Variants in ZNF676 observed in about 807,000 individuals in gnomAD.
The protein encoded by ZNF676 is zinc finger protein 676.
A neutral mutation model predicts 6.0 loss-of-function variants in ZNF676; 4 were observed. That is an observed-to-expected ratio of 0.67 (90% CI 0.33 to 1.53). ZNF676 has a LOEUF of 1.53. Ranked by LOEUF, ZNF676 falls within the 40% of genes most tolerant of loss-of-function variation. The pLI is 0.06. For synonymous variants in ZNF676, 198 were observed against 223.1 expected, an observed-to-expected ratio of 0.89 and a Z score of 1.00; for missense variants, 644 against 679.7, an observed-to-expected ratio of 0.95 and a Z score of 0.58.
chr19:22,207,466 C>A lies in ZNF676; in HGVS notation c.3+8166G>T, dbSNP rs1365877905. Among the ~76,000 whole-genome samples the A allele has an allele frequency of 3.0e-4, 46 of 151,988 alleles. 2 individuals carry two copies. Among genetic ancestry groups the A allele is most frequent in the South Asian group, 1.9e-3 (9 of 4,810 alleles). On this transcript the variant is annotated intron_variant, in intron 1 of 3. Coordinates refer to the ZNF676 transcript ENST00000650058. ...GAGATGACACAAACAAATGGAAAACCACTTTATGCTCATGAATAAAAAAGA... is the reference window on the plus strand; with the variant it reads ...GAGATGACACAAACAAATGGAAAACAACTTTATGCTCATGAATAAAAAAGA...
the ZNF676 span, among the ~76,000 whole-genome samples, chr19:22,248,332 T>C: frequency 6.6e-6 from 1 of 152,246 alleles, no homozygotes; most frequent in Non-Finnish European, 1.5e-5. Context: ...CAGTCTTCTA[T>C]AATGGTTGAA....
the ZNF676 span, among the ~76,000 whole-genome samples, chr19:22,232,663 T>C: frequency 5.8e-4 from 89 of 152,164 alleles, no homozygotes; most frequent in Non-Finnish European, 1.8e-4. Context: ...GACCACCTGT[T>C]AGGCCAAAAT....
At chr19:22,228,494 G>A in the ZNF676 span, among the ~76,000 whole-genome samples, 10 of 152,174 alleles carry the variant, frequency 6.6e-5, no homozygotes, top group Non-Finnish European at 1.2e-4. Context: ...AGTATTGGAA[G>A]TTCTGGCCAG....
At chr19:22,245,700 C>G in the ZNF676 span, among the ~76,000 whole-genome samples, 5 of 152,096 alleles carry the variant, frequency 3.3e-5, no homozygotes, top group African/African-American at 7.2e-5. Context: ...TAAAAAGAGT[C>G]ACATAACCAA....
the ZNF676 span, among the ~76,000 whole-genome samples, chr19:22,253,384 A>G: frequency 1.1e-3 from 132 of 117,790 alleles, 1 homozygote; most frequent in African/African-American, 4.2e-3. Flanking sequence ...ATATATATAT[A>G]TATATATATA....
chr19:22,252,444 A>G, the ZNF676 span, among the ~76,000 whole-genome samples: 1 of 151,932 alleles, frequency 6.6e-6, no homozygotes, highest in Non-Finnish European at 1.5e-5. Flanking sequence ...AAGAAAAAAA[A>G]AAAAGAAGAG....
intron 2 of ZNF676, among the ~76,000 whole-genome samples, chr19:22,191,464 T>C (rs1181061342): frequency 6.6e-6 from 1 of 152,144 alleles, no homozygotes; most frequent in East Asian, 1.9e-4. Context: ...CCTTGGTCCT[T>C]ACTGTCGTCC....
the ZNF676 span, chr19:22,244,012 A>T: frequency 6.6e-6 from 1 of 151,630 alleles, no homozygotes; most frequent in South Asian, 2.1e-4. Context: ...AAACACACCA[A>T]AGATTGGTAA....
chr19:22,231,867 T>A, the ZNF676 span, among the ~76,000 whole-genome samples: 1 of 152,088 alleles, frequency 6.6e-6, no homozygotes, highest in African/African-American at 2.4e-5. Flanking sequence ...CCCAAAGTGC[T>A]GGGATTACAA....
chr19:22,189,383 T>C (rs1174940114), intron 2 of ZNF676, among the ~76,000 whole-genome samples: 1 of 151,452 alleles, frequency 6.6e-6, no homozygotes, highest in Non-Finnish European at 1.5e-5. Context: ...GTAAAAGATT[T>C]AAAGATGATG....
the ZNF676 span, among the ~76,000 whole-genome samples, chr19:22,252,270 C>T: frequency 2.6e-5 from 4 of 151,984 alleles, no homozygotes; most frequent in African/African-American, 9.7e-5. Context: ...TGGTGGGTAC[C>T]TGTAATCCCA....
chr19:22,217,861 G>A (rs867333459), upstream of ZNF676, among the ~76,000 whole-genome samples: 9 of 151,736 alleles, frequency 5.9e-5, no homozygotes, highest in South Asian at 8.3e-4. Context: ...ACTCCATCGC[G>A]CCCTGCTAAT....
rs767480951 is a variant in ZNF676, at chr19:22,179,790, T to C, written c.*160A>G. 9.0e-5 allele frequency: 81 copies of C among 902,482 alleles called. No homozygotes were observed. The highest frequency in any genetic ancestry group is 1.3e-4 in the Non-Finnish European group (75 of 556,240). The allele number at this position is 902,482 out of a possible 1,614,324, so 55.9% of individuals were successfully genotyped here. ...TGTCACATTCTTCACGTTTGTAGTG[T>C]TTCTCTCCAGCATGAATTTTCTTAT... On this transcript the variant is annotated 3_prime_UTR_variant, in exon 3 of 3. Transcript: ENST00000397121.
intron 1 of ZNF676, among the ~76,000 whole-genome samples, chr19:22,207,973 T>C (rs1378754674): frequency 1.4e-5 from 2 of 138,406 alleles, no homozygotes; most frequent in Non-Finnish European, 3.1e-5. Context: ...AATGTTAATC[T>C]TAAAAATTAT....
intron 2 of ZNF676, among the ~76,000 whole-genome samples, chr19:22,190,661 A>ATGTTGCATTCTATTTTAT (rs2023895401): frequency 1.5e-4 from 17 of 116,132 alleles, no homozygotes; most frequent in East Asian, 4.2e-4. Context: ...ATATATATAT[A>ATGTTGCATTCTATTTTAT]TATACATACA....
chr19:22,185,998 A>G (rs771229302), intron 2 of ZNF676, among the ~76,000 whole-genome samples: 10 of 152,306 alleles, frequency 6.6e-5, no homozygotes, highest in Middle Eastern at 3.4e-3. Flanking sequence ...ATAGCACGAC[A>G]GGCCAACATT....
intron 1 of ZNF676, among the ~76,000 whole-genome samples, chr19:22,204,367 CA>C (rs2024055804): frequency 6.6e-6 from 1 of 152,014 alleles, no homozygotes; most frequent in South Asian, 2.1e-4. Flanking sequence ...CACTATATTT[CA>C]AAAGTATGAA....
At chr19:22,250,643 G>GCC in the ZNF676 span, among the ~76,000 whole-genome samples, 1 of 151,240 alleles carries the variant, frequency 6.6e-6, no homozygotes, top group African/African-American at 2.4e-5. Context: ...TTGAGATGGA[G>GCC]ATGGCTTCCA....
intron 2 of ZNF676, among the ~76,000 whole-genome samples, chr19:22,184,036 G>A (rs756452069): frequency 3.6e-4 from 55 of 152,056 alleles, no homozygotes; most frequent in African/African-American, 5.1e-4. Context: ...CCACACTTTC[G>A]GTAATAAAAA....
Sources: gnomAD v4.1 joint callset for allele counts (sites outside exome capture counted in the v4.1 genomes callset) on GRCh38, gnomAD v4.1.1 for gene constraint, MANE v1.5 for transcripts, NCBI Gene and HGNC (gene_info 2026-07-23, HGNC 2026-07-21) for gene names.